YWHAE: variants seen among roughly 807,000 people sequenced by gnomAD.
YWHAE encodes the protein tyrosine 3-monooxygenase/tryptophan 5-monooxygenase activation protein epsilon.
Under a neutral mutation model 30.1 loss-of-function variants are expected in YWHAE, and 4 were observed. The ratio of observed to expected loss-of-function variants is 0.13; its 90% confidence interval spans 0.07 to 0.30. The LOEUF is 0.30. Among genes scored for constraint, YWHAE ranks in the 10% least tolerant of loss-of-function variants. YWHAE has a pLI of 1.00. For missense variants in YWHAE, 121 were observed against 315.9 expected (o/e 0.38, Z 4.68); for synonymous variants, 118 against 111.8 (o/e 1.06, Z -0.35).
intron 1 of YWHAE, among the ~76,000 whole-genome samples, chr17:1,384,410 G>A (rs999293348): frequency 6.6e-5 from 10 of 151,652 alleles, no homozygotes; most frequent in East Asian, 2.0e-4. Flanking sequence ...ATTTATGCTC[G>A]ACCGGGCGCG....
chr17:1,353,532 G>A (rs951491588), intron 5 of YWHAE, among the ~76,000 whole-genome samples: 1 of 152,140 alleles, frequency 6.6e-6, no homozygotes, highest in Non-Finnish European at 1.5e-5. Context: ...GGAGGCTGAG[G>A]CGGGCAGAAC....
At chr17:1,399,961 C>T in intron 1 of YWHAE, 86 bp downstream of exon 1, 1 of 1,543,452 alleles carries the variant, frequency 6.5e-7, no homozygotes, top group South Asian at 1.1e-5. Flanking sequence ...GCAGACGATG[C>T]CGCCATTTTG....
chr17:1,349,980 TTC>T (rs1178834377), intron 5 of YWHAE, among the ~76,000 whole-genome samples: 1 of 149,792 alleles, frequency 6.7e-6, no homozygotes, highest in Non-Finnish European at 1.5e-5. Context: ...TGGACGAAGT[TTC>T]TCTCTTGTTG....
At chr17:1,380,132 G>C (rs921879485) in intron 1 of YWHAE, among the ~76,000 whole-genome samples, 1 of 80,674 alleles carries the variant, frequency 1.2e-5, no homozygotes, top group Non-Finnish European at 2.7e-5. Flanking sequence ...TTTTTTTTTT[G>C]AGACGGAGCC....
At chr17:1,384,015 CCAACATGGT>C (rs1018751789) in intron 1 of YWHAE, among the ~76,000 whole-genome samples, 25 of 151,774 alleles carry the variant, frequency 1.6e-4, no homozygotes, top group Admixed American at 4.6e-4. Context: ...ACCAACCTGG[CCAACATGGT>C]GAAACCCCAT....
intron 1 of YWHAE, among the ~76,000 whole-genome samples, chr17:1,392,843 T>C (rs1169171556): frequency 7.0e-6 from 1 of 143,344 alleles, no homozygotes; most frequent in African/African-American, 2.6e-5. Context: ...AGAGGGAAAA[T>C]CCATCTCAAA....
intron 4 of YWHAE, among the ~76,000 whole-genome samples, chr17:1,357,402 CAAAA>C (rs1195729330): frequency 1.2e-5 from 1 of 80,246 alleles, no homozygotes. Context: ...GACTCCGTCT[CAAAA>C]AAAAAAAAAA....
chr17:1,346,852 G>A (rs759856182), intron 5 of YWHAE, among the ~76,000 whole-genome samples: 1 of 151,368 alleles, frequency 6.6e-6, no homozygotes, highest in African/African-American at 2.4e-5. Context: ...TTAGCCTGGC[G>A]TGGTGGCACA....
intron 1 of YWHAE, among the ~76,000 whole-genome samples, chr17:1,374,039 C>T (rs1281644889): frequency 6.6e-6 from 1 of 152,084 alleles, no homozygotes; most frequent in African/African-American, 2.4e-5. Context: ...TTCATTAGGC[C>T]AGGTGCGGTG....
chr17:1,366,233 TAAAATA>T (rs972226411), intron 1 of YWHAE, among the ~76,000 whole-genome samples: 11 of 147,418 alleles, frequency 7.5e-5, no homozygotes, highest in Admixed American at 2.7e-4. Flanking sequence ...ATAGAATAAA[TAAAATA>T]AAAATAAAAA....
At chr17:1,348,148 A>C (rs1177411987) in intron 5 of YWHAE, 1 of 200,596 alleles carries the variant, frequency 5.0e-6, no homozygotes, top group Non-Finnish European at 9.1e-6. Context: ...CTTCACTCTA[A>C]GCAACAATCT....
At chr17:1,356,171 AACACACACACACACAC>A (rs71148473) in intron 4 of YWHAE, among the ~76,000 whole-genome samples, 1,990 of 143,078 alleles carry the variant, frequency 0.014, 25 homozygotes, top group Admixed American at 0.031. Flanking sequence ...TCCGTCTAAA[AACACACACACACACAC>A]ACACACACAC....
At chr17:1,385,243 A>G (rs1204944111) in intron 1 of YWHAE, among the ~76,000 whole-genome samples, 1 of 152,120 alleles carries the variant, frequency 6.6e-6, no homozygotes, top group Non-Finnish European at 1.5e-5. Context: ...ATCTGCAGCA[A>G]TAAGATAAAG....
rs569908733 is a variant in YWHAE at position 1,388,570 on chromosome 17, C to T, written c.64+11477G>A. 1.6e-4 allele frequency among the ~76,000 whole-genome samples: 18 copies of T among 112,320 alleles called. No individual in the cohort carries two copies. The Admixed American group carries it at 1.7e-3, about 11-fold the overall frequency. The allele number at this position is 112,320 out of a possible 152,430, so 73.7% of individuals were successfully genotyped here. A position where few individuals can be genotyped will look rare whatever the true frequency, so the allele number is the denominator to read the frequency against. On this transcript the variant is annotated intron_variant, in intron 1 of 5. Transcript: ENST00000264335. ...ATTACAGGCATGAGCAAACCATGCC[C>T]AGCCTTTTTTTTTTTTTTTTTAATA... is the stretch of plus-strand genomic sequence containing the variant.
At chr17:1,348,392 C>A (rs1232544269) in intron 5 of YWHAE, among the ~76,000 whole-genome samples, 4 of 152,074 alleles carry the variant, frequency 2.6e-5, no homozygotes, top group Non-Finnish European at 5.9e-5. Flanking sequence ...AAGCAATGAT[C>A]CCTCCCTTTA....
intron 1 of YWHAE, among the ~76,000 whole-genome samples, chr17:1,387,254 T>A (rs995643691): frequency 6.6e-6 from 1 of 152,064 alleles, no homozygotes; most frequent in Non-Finnish European, 1.5e-5. Flanking sequence ...GAATGGGAGA[T>A]TTCTCCTCTC....
chr17:1,363,892 G>A (rs989392124), intron 2 of YWHAE, among the ~76,000 whole-genome samples: 18 of 151,450 alleles, frequency 1.2e-4, no homozygotes, highest in African/African-American at 3.6e-4. Flanking sequence ...CAGCACTCCC[G>A]ACAGTTTGTT....
chr17:1,370,092 G>A (rs2073007617), intron 1 of YWHAE, among the ~76,000 whole-genome samples: 2 of 139,416 alleles, frequency 1.4e-5, no homozygotes, highest in Admixed American at 7.4e-5. Context: ...ATCTGACGCT[G>A]TTGGACAGCA....
intron 3 of YWHAE, 35 bp from the exon 4 acceptor site, chr17:1,361,333 ATT>A: frequency 5.7e-6 from 7 of 1,236,194 alleles, no homozygotes; most frequent in Non-Finnish European, 7.8e-6. Context: ...AAAAAAAAAA[ATT>A]TAAACTAGGA....
Sources: allele counts gnomAD v4.1 joint callset (sites outside exome capture counted in the v4.1 genomes callset), GRCh38; gene constraint gnomAD v4.1.1; transcripts MANE v1.5; gene names NCBI Gene and HGNC (gene_info 2026-07-23, HGNC 2026-07-21).